Variants in TRIM33 observed in about 807,000 individuals in gnomAD.
TRIM33 encodes E3 ubiquitin-protein ligase TRIM33.
Under a neutral mutation model 125.4 loss-of-function variants are expected in TRIM33, and 20 were observed. The observed-to-expected ratio is 0.16, with a 90% CI of 0.11 to 0.23. The LOEUF (loss-of-function observed/expected upper bound fraction) is 0.23, where lower values mean the gene tolerates loss of function less well. TRIM33 is among the 10% of genes least tolerant of loss of function. The pLI, the probability that TRIM33 is intolerant of heterozygous loss-of-function variation, is 1.00. For synonymous variants in TRIM33, 564 were observed against 513.9 expected (o/e 1.10, Z -1.32); for missense variants, 920 against 1,411.4 (o/e 0.65, Z 5.58).
intron 11 of TRIM33, among the ~76,000 whole-genome samples, chr1:114,413,434 TG>T (rs1652711703): frequency 6.6e-6 from 1 of 151,560 alleles, no homozygotes; most frequent in African/African-American, 2.4e-5. Context: ...GGTGCATGCC[TG>T]TAATCCCAGC....
At chr1:114,490,084 C>CAAAAAA (rs776451339) in intron 1 of TRIM33, among the ~76,000 whole-genome samples, 140 of 36,126 alleles carry the variant, frequency 3.9e-3, no homozygotes, top group African/African-American at 6.0e-3. Context: ...GACTCCGTCT[C>CAAAAAA]AAAAAAAAAA....
intron 1 of TRIM33, among the ~76,000 whole-genome samples, 179 bp from the exon 2 acceptor site, chr1:114,464,567 A>C (rs996406483): frequency 6.6e-6 from 1 of 152,200 alleles, no homozygotes; most frequent in Non-Finnish European, 1.5e-5. Flanking sequence ...TATTTAGGAA[A>C]AGAAAAAACA....
intron 1 of TRIM33, among the ~76,000 whole-genome samples, chr1:114,499,385 GAACAGTGAAATTAAA>G (rs1022217901): frequency 2.0e-5 from 3 of 149,848 alleles, no homozygotes; most frequent in Admixed American, 6.6e-5. Flanking sequence ...CATAAGCAAA[GAACAGTGAAATTAAA>G]AAAAAAAAAA....
chr1:114,492,285 T>C (rs534532560), intron 1 of TRIM33, among the ~76,000 whole-genome samples: 2 of 152,334 alleles, frequency 1.3e-5, no homozygotes, highest in South Asian at 2.1e-4. Context: ...TTAAAACACA[T>C]GATTTTAAAA....
rs1307239907 is a variant in TRIM33, at chr1:114,424,574, T to C, written c.1860+17A>G. Reference sequence around the variant, plus strand: ...TTTAAAATTGTAGGATTCTTACAAATGTAACTCTAGGCATACTTGTCTTTG... The same window carrying C: ...TTTAAAATTGTAGGATTCTTACAAACGTAACTCTAGGCATACTTGTCTTTG... On this transcript the variant is annotated intron_variant, in intron 10 of 19. Transcript: ENST00000358465. The C allele has an allele frequency of 6.6e-7, 1 of 1,514,576 alleles. No individual in the cohort carries two copies. The highest frequency in any genetic ancestry group is 2.3e-5 in the Admixed American group (1 of 43,428). 93.8% of individuals were successfully genotyped at this position (1,514,576 alleles called of 1,614,324 possible).
chr1:114,441,028 C>T (rs1357382442), intron 4 of TRIM33, among the ~76,000 whole-genome samples: 1 of 152,228 alleles, frequency 6.6e-6, no homozygotes, highest in Non-Finnish European at 1.5e-5. Flanking sequence ...AATACAAAGG[C>T]CAGGCATGGT....
intron 1 of TRIM33, among the ~76,000 whole-genome samples, chr1:114,491,434 C>T (rs6695458): frequency 1 from 152,332 of 152,332 alleles, 76,166 homozygotes; most frequent in Non-Finnish European, 1. Flanking sequence ...TGCAAGCCTC[C>T]GGTCACAAAA....
chr1:114,446,166 A>G (rs369435612), intron 4 of TRIM33, among the ~76,000 whole-genome samples: 2 of 152,282 alleles, frequency 1.3e-5, no homozygotes, highest in South Asian at 4.1e-4. Flanking sequence ...TAAATTGAGG[A>G]TTTTCATATG....
chr1:114,462,159 C>T (rs61655733), intron 4 of TRIM33, among the ~76,000 whole-genome samples: 2,323 of 152,218 alleles, frequency 0.015, 48 homozygotes, highest in African/African-American at 0.048. Flanking sequence ...ATACTAGTAC[C>T]TAAACCTCAT....
At chr1:114,496,955 GT>G (rs1351544111) in intron 1 of TRIM33, among the ~76,000 whole-genome samples, 1 of 152,198 alleles carries the variant, frequency 6.6e-6, no homozygotes, top group Non-Finnish European at 1.5e-5. Flanking sequence ...CAGCTATAGT[GT>G]AAGTACATAA....
chr1:114,469,114 T>C (rs974650846), intron 1 of TRIM33: 4 of 228,878 alleles, frequency 1.7e-5, no homozygotes, highest in African/African-American at 7.1e-5. Context: ...TCAGAAGATA[T>C]ATTAAGGAAT....
At position 114,397,563 on chromosome 1, in the gene TRIM33, A is replaced by G; in HGVS notation, c.*85T>C. The stretch of plus-strand genomic sequence containing the variant: ...ACTGTAGGCAGGATATTCCAGCAAC[A>G]CTTAAAAGTTTTCTGGGTTTTTTGT... On this transcript the variant is annotated 3_prime_UTR_variant, in exon 20 of 20. Transcript: ENST00000358465. 1 of 1,036,458 alleles carries G rather than the reference A, an allele frequency of 9.6e-7. No individual in the cohort carries two copies. Among genetic ancestry groups the G allele is most frequent in the Non-Finnish European group, 1.4e-6 (1 of 710,512 alleles). The allele number at this position is 1,036,458 out of a possible 1,614,324, so 64.2% of individuals were successfully genotyped here.
At chr1:114,421,275 C>G (rs1653263334) in intron 11 of TRIM33, among the ~76,000 whole-genome samples, 161 bp downstream of exon 11, 1 of 151,762 alleles carries the variant, frequency 6.6e-6, no homozygotes, top group African/African-American at 2.4e-5. Context: ...ATGAAAGTTT[C>G]ACTTAGACTG....
At position 114,394,319 on chromosome 1, in the gene TRIM33, C is replaced by G; in HGVS notation, c.*3329G>C. ...GCCAAGGGAGACGGGGCCACAGCAT[C>G]TACTCCCATTTTGGATAGTAAGAGA... On this transcript the variant is annotated 3_prime_UTR_variant, in exon 20 of 20. Transcript: ENST00000358465. The G allele has an allele frequency of 4.4e-6, 1 of 227,152 alleles. No individual in the cohort carries two copies. Among genetic ancestry groups the G allele is most frequent in the Non-Finnish European group, 8.8e-6 (1 of 113,856 alleles). 14.1% of individuals were successfully genotyped at this position (227,152 alleles called of 1,614,324 possible). A position where few individuals can be genotyped will look rare whatever the true frequency, so the allele number is the denominator to read the frequency against.
At position 114,510,873 on chromosome 1, in the gene TRIM33, G is replaced by A. The variant is rs1250102168; in HGVS notation, c.204C>T (p.Ala68=). The change falls in exon 1 of 20, where the codon GCC becomes GCT. Residue 68 remains alanine (A), a synonymous_variant. Transcript: ENST00000358465. ...CCTGGGCCGAGCCCGAGGAGGCCGCGGCCACCCCCCCGTCGTCGGGCCCGG... is the reference window on the plus strand; with the variant it reads ...CCTGGGCCGAGCCCGAGGAGGCCGCAGCCACCCCCCCGTCGTCGGGCCCGG... ...GAAGPDDGGV[A]AASSGSAQAA... is the part of the protein sequence containing the mutation. 3.4e-6 allele frequency: 5 copies of A among 1,462,350 alleles called. No homozygotes were observed. The highest frequency in any genetic ancestry group is 2.5e-5 in the Admixed American group (1 of 40,278). 90.6% of individuals were successfully genotyped at this position (1,462,350 alleles called of 1,614,324 possible). A position where few individuals can be genotyped will look rare whatever the true frequency, so the allele number is the denominator to read the frequency against.
chr1:114,421,326 T>C (rs1653266725), intron 11 of TRIM33, 110 bp downstream of exon 11: 1 of 1,057,864 alleles, frequency 9.5e-7, no homozygotes, highest in Non-Finnish European at 1.4e-6. Flanking sequence ...TCTTCAGAAA[T>C]TTCAAGGAAA....
intron 4 of TRIM33, among the ~76,000 whole-genome samples, chr1:114,435,990 A>T (rs943387219): frequency 2.0e-5 from 3 of 148,804 alleles, no homozygotes; most frequent in African/African-American, 7.5e-5. Context: ...GCCTCGGCCA[A>T]AATGCTAGGA....
intron 1 of TRIM33, among the ~76,000 whole-genome samples, chr1:114,483,682 G>A (rs1287926436): frequency 6.6e-6 from 1 of 151,896 alleles, no homozygotes; most frequent in Non-Finnish European, 1.5e-5. Context: ...CAAAGTGCTG[G>A]GATTACAGTG....
intron 1 of TRIM33, among the ~76,000 whole-genome samples, chr1:114,467,149 T>C (rs2101407031): frequency 6.6e-6 from 1 of 152,260 alleles, no homozygotes; most frequent in Non-Finnish European, 1.5e-5. Context: ...CGCTGGTCTA[T>C]CAGTAACAAA....
Sources: allele counts gnomAD v4.1 joint callset (sites outside exome capture counted in the v4.1 genomes callset), GRCh38; gene constraint gnomAD v4.1.1; transcripts MANE v1.5; gene names NCBI Gene and HGNC (gene_info 2026-07-23, HGNC 2026-07-21).